The following DYM variants were observed in gnomAD, a reference collection of about 807,000 sequenced individuals.
DYM encodes dyggve-Melchior-Clausen syndrome protein.
DYM carries 78 observed loss-of-function variants against 93.1 expected under a neutral mutation model. The ratio of observed to expected loss-of-function variants is 0.84; its 90% CI spans 0.70 to 1.01. DYM has a LOEUF of 1.01. Ranked by LOEUF, DYM falls within the 50% of genes least tolerant of loss-of-function variation. DYM has a pLI of 0.00. For missense variants in DYM, 789 were observed against 845.0 expected (o/e 0.93, Z 0.82); for synonymous variants, 321 against 319.7 (o/e 1.00, Z -0.04).
intron 13 of DYM, among the ~76,000 whole-genome samples, chr18:49,216,112 C>T (rs1189886787): frequency 6.6e-6 from 1 of 152,220 alleles, no homozygotes; most frequent in African/African-American, 2.4e-5. Flanking sequence ...CCGCACCTGG[C>T]TCGGAGGGTC....
chr18:49,165,057 C>T (rs1253426336), intron 14 of DYM, among the ~76,000 whole-genome samples: 1 of 151,902 alleles, frequency 6.6e-6, no homozygotes, highest in African/African-American at 2.4e-5. Context: ...AAGATACAGA[C>T]AAGTTAACAA....
rs1568235340 is a variant in DYM at position 49,317,549 on chromosome 18, A to ATTTCTCTC, written c.763+14307_763+14314dup. Among the ~76,000 whole-genome samples, 39 of 66,926 alleles carry ATTTCTCTC rather than the reference A, an allele frequency of 5.8e-4. 1 individual carries two copies. The highest frequency in any genetic ancestry group is 2.3e-3 in the African/African-American group (38 of 16,274). 43.9% of individuals were successfully genotyped at this position (66,926 alleles called of 152,430 possible). Reference sequence around the variant, plus strand: ...ACTGCCCTAGTCCTTAGCCATCTAGATTTCTCTCTCTCTCTCTCTCTCTCT... The same window carrying ATTTCTCTC: ...ACTGCCCTAGTCCTTAGCCATCTAGATTTCTCTCTTTCTCTCTCTCTCTCTCTCTCTCT... On this transcript the variant is annotated intron_variant, in intron 8 of 17. Coordinates refer to ENST00000675505, the MANE Select transcript of DYM (RefSeq NM_001353214.3).
intron 13 of DYM, among the ~76,000 whole-genome samples, chr18:49,228,699 C>T (rs1196094661): frequency 1.3e-5 from 2 of 152,132 alleles, no homozygotes; most frequent in African/African-American, 2.4e-5. Flanking sequence ...ACTAGGGTCC[C>T]TTATGAAGGC....
chr18:49,446,090 T>C (rs996260550), intron 1 of DYM, among the ~76,000 whole-genome samples: 1 of 152,186 alleles, frequency 6.6e-6, no homozygotes. Context: ...TAGGCAGATT[T>C]ATAAACGCAG....
chr18:49,190,992 GTAGGCTATTAGTAGTT>G (rs1183688877), intron 14 of DYM, among the ~76,000 whole-genome samples: 5 of 151,850 alleles, frequency 3.3e-5, no homozygotes, highest in Non-Finnish European at 7.4e-5. Context: ...CTGGTCAACA[GTAGGCTATTAGTAGTT>G]AAGTTTTGGG....
chr18:49,080,989 G>C (rs1274895735), intron 17 of DYM, among the ~76,000 whole-genome samples: 12 of 150,622 alleles, frequency 8.0e-5, no homozygotes, highest in African/African-American at 2.7e-4. Context: ...ATGGGATGGC[G>C]GCCGGGCAGA....
chr18:49,336,221 T>C (rs1235489301), intron 6 of DYM, among the ~76,000 whole-genome samples: 3 of 152,224 alleles, frequency 2.0e-5, no homozygotes, highest in Non-Finnish European at 4.4e-5. Context: ...TTTTACTAAA[T>C]TGTTTTAGTT....
intron 1 of DYM, among the ~76,000 whole-genome samples, chr18:49,451,691 CA>C (rs2082528809): frequency 6.6e-6 from 1 of 152,190 alleles, no homozygotes; most frequent in Non-Finnish European, 1.5e-5. Context: ...ATGCAAATAA[CA>C]AGGCCAAATA....
intron 1 of DYM, among the ~76,000 whole-genome samples, chr18:49,441,115 AT>A (rs1357020493): frequency 1.7e-4 from 1 of 6,036 alleles, no homozygotes; most frequent in Admixed American, 3.5e-3. Context: ...ATTAATATAA[AT>A]ATATTATATA....
intron 15 of DYM, among the ~76,000 whole-genome samples, chr18:49,155,541 T>C (rs1207797814): frequency 6.6e-6 from 1 of 152,234 alleles, no homozygotes; most frequent in African/African-American, 2.4e-5. Context: ...TAGTCACACC[T>C]CATTCTGCTT....
intron 1 of DYM, among the ~76,000 whole-genome samples, chr18:49,457,651 A>C (rs1424475049): frequency 1.3e-5 from 2 of 152,208 alleles, no homozygotes; most frequent in Admixed American, 1.3e-4. Context: ...ATTCCAAAAT[A>C]CACTGTGGTA....
rs76000822 is a variant in DYM at position 49,391,795 on chromosome 18, AG to A, written c.141-151del. 0.089 allele frequency: 51,601 copies of A among 577,670 alleles called. 3,045 individuals carry two copies. Among genetic ancestry groups the A allele is most frequent in the East Asian group, 0.32 (9,541 of 30,064 alleles). The allele number at this position is 577,670 out of a possible 1,614,324, so 35.8% of individuals were successfully genotyped here. ...GAACAATAAGATCAGCAAAAAAAAAAGTTAGGCTTCAATTTTCAATATAATT... is the reference window on the plus strand; with the variant it reads ...GAACAATAAGATCAGCAAAAAAAAAATTAGGCTTCAATTTTCAATATAATT... On this transcript the variant is annotated intron_variant, in intron 2 of 17. Transcript: ENST00000675505.
At position 49,399,383 on chromosome 18, in the gene DYM, A is replaced by G. The variant is rs534640690; in HGVS notation, c.141-7738T>C. Among the ~76,000 whole-genome samples the G allele has an allele frequency of 3.9e-5, 6 of 152,334 alleles. No individual in the cohort carries two copies. In the South Asian group the frequency reaches 1.2e-3, roughly 32 times the overall value. ...CTGGGAAGGGGTGGTTAATCAACAC[A>G]GGGGAATGGCAAACTACAAAGCTGG... On this transcript the variant is annotated intron_variant, in intron 2 of 17. Transcript: ENST00000675505.
intron 17 of DYM, among the ~76,000 whole-genome samples, chr18:49,070,274 C>T (rs1331178869): frequency 6.6e-6 from 1 of 152,170 alleles, no homozygotes; most frequent in Admixed American, 6.5e-5. Context: ...AGGGAGTTTA[C>T]GTGCATTGTT....
chr18:49,369,304 T>C (rs976111335), intron 5 of DYM, among the ~76,000 whole-genome samples: 2 of 152,166 alleles, frequency 1.3e-5, no homozygotes, highest in African/African-American at 4.8e-5. Flanking sequence ...TTCAGGAGAC[T>C]CTCTGGGTTC....
At chr18:49,246,606 G>A (rs905425435) in intron 13 of DYM, among the ~76,000 whole-genome samples, 3 of 152,118 alleles carry the variant, frequency 2.0e-5, no homozygotes, top group South Asian at 2.1e-4. Flanking sequence ...CACATAACTC[G>A]AGATTTTAAT....
At chr18:49,184,121 T>C (rs978249695) in intron 14 of DYM, among the ~76,000 whole-genome samples, 15 of 152,160 alleles carry the variant, frequency 9.9e-5, no homozygotes, top group East Asian at 5.8e-4. Context: ...CTAATATACA[T>C]AGGGATGTGT....
chr18:49,371,789 T>G (rs2067068056), intron 5 of DYM, among the ~76,000 whole-genome samples: 1 of 152,216 alleles, frequency 6.6e-6, no homozygotes, highest in African/African-American at 2.4e-5. Flanking sequence ...AGAGCTATCC[T>G]CATATAATAA....
At chr18:49,356,859 T>G (rs2065614312) in intron 6 of DYM, among the ~76,000 whole-genome samples, 1 of 152,234 alleles carries the variant, frequency 6.6e-6, no homozygotes, top group African/African-American at 2.4e-5. Flanking sequence ...AAGCTGAATT[T>G]TATAAATAAG....
Sources: gnomAD v4.1 joint callset for allele counts (sites outside exome capture counted in the v4.1 genomes callset) on GRCh38, gnomAD v4.1.1 for gene constraint, MANE v1.5 for transcripts, NCBI Gene and HGNC (gene_info 2026-07-23, HGNC 2026-07-21) for gene names.